Variants in OPRM1 observed in about 807,000 individuals in gnomAD.
OPRM1 encodes opioid receptor mu 1.
Under a neutral mutation model 31.8 loss-of-function variants are expected in OPRM1, and 27 were observed. The observed-to-expected ratio is 0.85, with a 90% CI of 0.63 to 1.17. OPRM1 has a LOEUF of 1.17. Among genes scored for constraint, OPRM1 ranks in the 50% most tolerant of loss-of-function variants. OPRM1 has a pLI of 0.00. For missense variants in OPRM1, 536 were observed against 511.1 expected (o/e 1.05, Z -0.47); for synonymous variants, 196 against 189.9 (o/e 1.03, Z -0.26).
At chr6:154,149,366 T>C (rs1364576236) in intron 3 of OPRM1, among the ~76,000 whole-genome samples, 5 of 152,074 alleles carry the variant, frequency 3.3e-5, no homozygotes, top group African/African-American at 4.8e-5. Context: ...GTCCCCATGA[T>C]TCAATTACCT....
chr6:154,063,624 C>T lies in OPRM1; in HGVS notation c.290+23790C>T, dbSNP rs189085843. 8.3e-4 allele frequency among the ~76,000 whole-genome samples: 126 copies of T among 152,044 alleles called. 4 individuals carry two copies. In the East Asian group the frequency reaches 0.02, roughly 24 times the overall value. ...CTCATTTCATCTTGCAAAACTGAAACTCTATACCCATTAAACAATAATACC... is the reference window on the plus strand; with the variant it reads ...CTCATTTCATCTTGCAAAACTGAAATTCTATACCCATTAAACAATAATACC... On this transcript the variant is annotated intron_variant, in intron 1 of 3. Coordinates refer to ENST00000330432, the MANE Select transcript of OPRM1 (RefSeq NM_000914.5).
intron 1 of OPRM1, among the ~76,000 whole-genome samples, chr6:154,043,834 A>G (rs967223784): frequency 6.6e-5 from 10 of 152,118 alleles, no homozygotes; most frequent in African/African-American, 1.9e-4. Context: ...TACCTATTAC[A>G]ATTTGAACTT....
rs59576607 is a variant in OPRM1, at chr6:154,129,852, GCACACACACACA to G, written c.*11154_*11165del. ...TTACCACCGACACCCTCCCCCCCCA[GCACACACACACA>G]CACACACACACACACACACACAACA... On this transcript the variant is annotated 3_prime_UTR_variant, in exon 4 of 4. Transcript: ENST00000330432. 0.056 allele frequency among the ~76,000 whole-genome samples: 7,317 copies of G among 131,542 alleles called. 271 individuals are homozygous for G. Among genetic ancestry groups the G allele is most frequent in the Non-Finnish European group, 0.078 (4,721 of 60,618 alleles). The allele number at this position is 131,542 out of a possible 152,430, so 86.3% of individuals were successfully genotyped here. A position where few individuals can be genotyped will look rare whatever the true frequency, so the allele number is the denominator to read the frequency against.
intron 3 of OPRM1, among the ~76,000 whole-genome samples, chr6:154,174,143 G>T (rs1293807152): frequency 6.6e-6 from 1 of 152,142 alleles, no homozygotes; most frequent in Non-Finnish European, 1.5e-5. Context: ...GTCACCACCA[G>T]GCCTGCCTTA....
chr6:154,033,967 T>C (rs1156826140), intron 1 of OPRM1, among the ~76,000 whole-genome samples: 1 of 152,240 alleles, frequency 6.6e-6, no homozygotes, highest in African/African-American at 2.4e-5. Flanking sequence ...CATGGCATAC[T>C]AAGAGTCACT....
At chr6:154,079,763 G>A (rs1788683442) in intron 1 of OPRM1, among the ~76,000 whole-genome samples, 1 of 152,144 alleles carries the variant, frequency 6.6e-6, no homozygotes, top group Non-Finnish European at 1.5e-5. Flanking sequence ...AGGCTGGAGT[G>A]CAGTGGCATG....
At chr6:154,016,997 A>T (rs1778041198) in intron 1 of OPRM1, among the ~76,000 whole-genome samples, 1 of 152,226 alleles carries the variant, frequency 6.6e-6, no homozygotes, top group Non-Finnish European at 1.5e-5. Context: ...TTATGTAATC[A>T]AATACAAATA....
intron 3 of OPRM1, among the ~76,000 whole-genome samples, chr6:154,237,032 A>T (rs73567181): frequency 1.3e-3 from 203 of 152,352 alleles, no homozygotes; most frequent in African/African-American, 4.8e-3. Flanking sequence ...TTCTTGAAAC[A>T]TGCTCTATGG....
chr6:154,022,144 G>T (rs2128382148), intron 1 of OPRM1, among the ~76,000 whole-genome samples: 1 of 152,324 alleles, frequency 6.6e-6, no homozygotes, highest in South Asian at 2.1e-4. Context: ...ACTTGAGTAA[G>T]TTCCCCTCTA....
intron 1 of OPRM1, among the ~76,000 whole-genome samples, chr6:154,075,474 A>G (rs1250016547): frequency 6.8e-6 from 1 of 146,076 alleles, no homozygotes; most frequent in Non-Finnish European, 1.5e-5. Flanking sequence ...TTTTTTCCAG[A>G]CGGAATTTCA....
chr6:154,215,842 GA>G (rs1778351207), intron 3 of OPRM1, among the ~76,000 whole-genome samples: 1 of 151,994 alleles, frequency 6.6e-6, no homozygotes, highest in Non-Finnish European at 1.5e-5. Context: ...AATTTACAGA[GA>G]AATCAAATAG....
At chr6:154,169,474 A>G (rs1313373057) in intron 3 of OPRM1, among the ~76,000 whole-genome samples, 1 of 152,230 alleles carries the variant, frequency 6.6e-6, no homozygotes, top group Non-Finnish European at 1.5e-5. Flanking sequence ...GTCGACAAAT[A>G]TCTGCTTCTA....
At chr6:154,148,174 TAGATCAAAC>T in intron 3 of OPRM1, among the ~76,000 whole-genome samples, 1 of 152,200 alleles carries the variant, frequency 6.6e-6, no homozygotes, top group Non-Finnish European at 1.5e-5. Context: ...ATCCCATGCA[TAGATCAAAC>T]ATTCTGTGAA....
At chr6:154,231,405 C>G (rs1400495750) in intron 3 of OPRM1, among the ~76,000 whole-genome samples, 1 of 152,200 alleles carries the variant, frequency 6.6e-6, no homozygotes, top group Non-Finnish European at 1.5e-5. Context: ...GGGATCTGTC[C>G]TAACTATACC....
intron 3 of OPRM1, among the ~76,000 whole-genome samples, chr6:154,195,693 T>C (rs1776559197): frequency 6.6e-6 from 1 of 152,134 alleles, no homozygotes; most frequent in Non-Finnish European, 1.5e-5. Flanking sequence ...CTGTGGCACC[T>C]ATTTTACTCT....
intron 1 of OPRM1, chr6:154,086,907 C>T (rs1437798720): frequency 8.1e-6 from 8 of 984,046 alleles, no homozygotes; most frequent in Non-Finnish European, 9.7e-6. Flanking sequence ...AATGTTTCAA[C>T]TTCTTGAGCA....
intron 3 of OPRM1, among the ~76,000 whole-genome samples, chr6:154,204,957 C>T (rs1777369902): frequency 6.6e-6 from 1 of 152,194 alleles, no homozygotes; most frequent in African/African-American, 2.4e-5. Context: ...CTTTCTGTCC[C>T]ATCACCACAT....
intron 1 of OPRM1, among the ~76,000 whole-genome samples, chr6:154,027,002 G>C (rs191690435): frequency 1.2e-4 from 19 of 152,228 alleles, no homozygotes; most frequent in African/African-American, 4.6e-4. Context: ...GGATTGTCTT[G>C]ATACTTGTAG....
At chr6:154,100,121 CATATT>C (rs1794490245) in intron 3 of OPRM1, among the ~76,000 whole-genome samples, 2 of 79,028 alleles carry the variant, frequency 2.5e-5, no homozygotes, top group African/African-American at 1.2e-4. Flanking sequence ...TATATATTAT[CATATT>C]ATGACATATA....
Sources: allele counts gnomAD v4.1 joint callset (sites outside exome capture counted in the v4.1 genomes callset), GRCh38; gene constraint gnomAD v4.1.1; transcripts MANE v1.5; gene names NCBI Gene and HGNC (gene_info 2026-07-23, HGNC 2026-07-21).